RABEP1: variants seen among roughly 807,000 people sequenced by gnomAD.
RABEP1 encodes rab GTPase-binding effector protein 1.
A neutral mutation model predicts 123.4 loss-of-function variants in RABEP1; 51 were observed. That is an observed-to-expected ratio of 0.41 (90% CI 0.33 to 0.52). The LOEUF (loss-of-function observed/expected upper bound fraction) is 0.52. Among genes scored for constraint, RABEP1 ranks in the 20% least tolerant of loss-of-function variants. The pLI is 0.16. For missense variants in RABEP1, 888 were observed against 996.3 expected (o/e 0.89, Z 1.46); for synonymous variants, 347 against 355.2 (o/e 0.98, Z 0.26).
intron 1 of RABEP1, among the ~76,000 whole-genome samples, chr17:5,300,782 C>T (rs955823440): frequency 6.6e-6 from 1 of 152,138 alleles, no homozygotes; most frequent in Non-Finnish European, 1.5e-5. Context: ...GCAAACAAAA[C>T]AATTTGTCCT....
intron 2 of RABEP1, among the ~76,000 whole-genome samples, chr17:5,329,912 A>T (rs1906368394): frequency 6.6e-6 from 1 of 151,392 alleles, no homozygotes; most frequent in South Asian, 2.1e-4. Context: ...CCAAAAATGG[A>T]TATTTAGGCT....
chr17:5,311,061 C>T (rs866924121), intron 2 of RABEP1, among the ~76,000 whole-genome samples: 3 of 152,006 alleles, frequency 2.0e-5, no homozygotes, highest in South Asian at 2.1e-4. Flanking sequence ...CCGCCTGCCT[C>T]GGCCTCCCAG....
rs376677975 is a variant in RABEP1, at chr17:5,368,478, C to T, written c.1884+10C>T. 1.8e-5 allele frequency: 29 copies of T among 1,581,460 alleles called. No homozygotes were observed. Among genetic ancestry groups the T allele is most frequent in the Non-Finnish European group, 2.5e-5 (29 of 1,151,448 alleles). On this transcript the variant is annotated intron_variant, in intron 12 of 17. Coordinates refer to ENST00000537505, the MANE Select transcript of RABEP1 (RefSeq NM_004703.6). Reference sequence around the variant, plus strand: ...TGTTCAGGAACAGATGGTAAGTTTACATTTTAAGTAAATGACAACTATGTT... The same window carrying T: ...TGTTCAGGAACAGATGGTAAGTTTATATTTTAAGTAAATGACAACTATGTT...
intron 1 of RABEP1, among the ~76,000 whole-genome samples, chr17:5,285,738 G>A (rs1026926010): frequency 1.3e-5 from 2 of 152,140 alleles, no homozygotes; most frequent in Non-Finnish European, 2.9e-5. Context: ...TTAAAGAAAC[G>A]TGCCTGTGTT....
chr17:5,349,391 T>C (rs1049358305), intron 6 of RABEP1, among the ~76,000 whole-genome samples: 3 of 152,216 alleles, frequency 2.0e-5, no homozygotes, highest in Non-Finnish European at 4.4e-5. Context: ...TCTGTCATAG[T>C]TGAATATGTT....
Position 5,386,099 on chromosome 17 carries a change from G to A in RABEP1, c.*2876G>A. On this transcript the variant is annotated 3_prime_UTR_variant, in exon 18 of 18. Transcript: ENST00000537505. ...ATTTAAAAAGATGAACCACACCAAAGGTCATCAAAACACCTTTTTATAAAT... is the reference window on the plus strand; with the variant it reads ...ATTTAAAAAGATGAACCACACCAAAAGTCATCAAAACACCTTTTTATAAAT... The A allele has an allele frequency of 1.3e-6, 1 of 759,482 alleles. No individual in the cohort carries two copies. The allele number at this position is 759,482 out of a possible 1,614,324, so 47.0% of individuals were successfully genotyped here. A position where few individuals can be genotyped will look rare whatever the true frequency, so the allele number is the denominator to read the frequency against.
At position 5,386,161 on chromosome 17, in the gene RABEP1, C is replaced by G. The variant is rs775867013; in HGVS notation, c.*2938C>G. ...ACCTGTTTTACAATATGGGTTTAAG[C>G]CTTCAATGGTGTTCAGTTCAGGTGT... is the stretch of plus-strand genomic sequence containing the variant. On this transcript the variant is annotated 3_prime_UTR_variant, in exon 18 of 18. Coordinates refer to ENST00000537505, the MANE Select transcript of RABEP1 (RefSeq NM_004703.6). 1 of 1,442,424 alleles carries G rather than the reference C, an allele frequency of 6.9e-7. No individual in the cohort carries two copies. The highest frequency in any genetic ancestry group is 9.6e-7 in the Non-Finnish European group (1 of 1,041,972). The allele number at this position is 1,442,424 out of a possible 1,614,324, so 89.4% of individuals were successfully genotyped here. A position where few individuals can be genotyped will look rare whatever the true frequency, so the allele number is the denominator to read the frequency against.
chr17:5,367,345 C>A (rs929135362), intron 11 of RABEP1, among the ~76,000 whole-genome samples: 1 of 151,742 alleles, frequency 6.6e-6, no homozygotes, highest in South Asian at 2.1e-4. Flanking sequence ...GATCTTGGCT[C>A]ACTGCAACGT....
chr17:5,283,121 C>A (rs1016106544), intron 1 of RABEP1, among the ~76,000 whole-genome samples: 1 of 151,956 alleles, frequency 6.6e-6, no homozygotes, highest in Non-Finnish European at 1.5e-5. Context: ...CTCGTTGAGC[C>A]TCAGTATTCT....
intron 1 of RABEP1, among the ~76,000 whole-genome samples, chr17:5,287,357 GGGAGTCTGAGGCAGGT>G (rs2144433572): frequency 6.6e-6 from 1 of 152,272 alleles, no homozygotes; most frequent in Non-Finnish European, 1.5e-5. Context: ...CCAGCACTTT[GGGAGTCTGAGGCAGGT>G]GGATCACCTG....
chr17:5,290,625 C>T (rs534441771), intron 1 of RABEP1, among the ~76,000 whole-genome samples: 1 of 152,158 alleles, frequency 6.6e-6, no homozygotes, highest in African/African-American at 2.4e-5. Flanking sequence ...TAGAGTCTTT[C>T]TCTGTTGCCC....
At chr17:5,372,363 T>G (rs528673803) in intron 12 of RABEP1, among the ~76,000 whole-genome samples, 1 of 152,112 alleles carries the variant, frequency 6.6e-6, no homozygotes, top group African/African-American at 2.4e-5. Flanking sequence ...GAGAATCACT[T>G]GAACCGGGAC....
In RABEP1 at chr17:5,338,093, A is replaced by G; in HGVS notation, c.603A>G (p.Lys201=). The G allele has an allele frequency of 6.2e-7, 1 of 1,613,594 alleles. No homozygotes were observed. Among genetic ancestry groups the G allele is most frequent in the African/African-American group, 1.3e-5 (1 of 75,030 alleles). Residue 201 remains lysine, a synonymous_variant, in exon 5 of 18, where the codon AAA becomes AAG. Transcript: ENST00000537505. Reference sequence around the variant, plus strand: ...AGGAAATTGCAGCTTTGAAGGATAAACTGACAGAGGCTGAAGACAAAATTA... The same window carrying G: ...AGGAAATTGCAGCTTTGAAGGATAAGCTGACAGAGGCTGAAGACAAAATTA... ...MEKEIAALKD[K]LTEAEDKIKE...
intron 1 of RABEP1, among the ~76,000 whole-genome samples, chr17:5,305,669 A>G (rs1434175489): frequency 6.6e-6 from 1 of 152,142 alleles, no homozygotes; most frequent in Non-Finnish European, 1.5e-5. Context: ...TTACCTCTGT[A>G]CTAATCAGTA....
chr17:5,350,110 G>T (rs1283948636), intron 6 of RABEP1, among the ~76,000 whole-genome samples: 1 of 152,144 alleles, frequency 6.6e-6, no homozygotes, highest in Non-Finnish European at 1.5e-5. Flanking sequence ...GCCGGGCGCG[G>T]TGGCTCACGC....
intron 13 of RABEP1, among the ~76,000 whole-genome samples, chr17:5,375,141 T>C (rs962254197): frequency 5.3e-5 from 8 of 151,616 alleles, no homozygotes; most frequent in African/African-American, 9.7e-5. Flanking sequence ...TCTTAGTAAG[T>C]AGAAGTTTCC....
chr17:5,300,970 A>G (rs1487475534), intron 1 of RABEP1, among the ~76,000 whole-genome samples: 2 of 152,154 alleles, frequency 1.3e-5, no homozygotes, highest in African/African-American at 4.8e-5. Context: ...GAAGCCTGGG[A>G]TGGGGCCTGA....
Position 5,323,819 on chromosome 17 carries a change from A to AGAAT in RABEP1, c.164-8130_164-8129insGAAT, listed in dbSNP as rs1905672854. ...CTAGGAATATATATATATATCTAGG[A>AGAAT]ATATATATATATATCTAGGAATATA... On this transcript the variant is annotated intron_variant, in intron 2 of 17. Coordinates refer to ENST00000537505, the MANE Select transcript of RABEP1 (RefSeq NM_004703.6). Among the ~76,000 whole-genome samples the AGAAT allele has an allele frequency of 5.6e-5, 4 of 70,900 alleles. 1 individual carries two copies. In the South Asian group the frequency reaches 2.1e-3, roughly 37 times the overall value. The allele number at this position is 70,900 out of a possible 152,430, so 46.5% of individuals were successfully genotyped here.
At chr17:5,331,456 G>T (rs773022180) in intron 2 of RABEP1, among the ~76,000 whole-genome samples, 1 of 152,174 alleles carries the variant, frequency 6.6e-6, no homozygotes, top group Admixed American at 6.5e-5. Flanking sequence ...CATCAACTTA[G>T]TATTTAAAAG....
Sources: allele counts gnomAD v4.1 joint callset (sites outside exome capture counted in the v4.1 genomes callset), GRCh38; gene constraint gnomAD v4.1.1; transcripts MANE v1.5; gene names NCBI Gene and HGNC (gene_info 2026-07-23, HGNC 2026-07-21).